Variants in AGO3 observed in about 807,000 individuals in gnomAD.
AGO3 encodes the protein protein argonaute-3.
In AGO3, 16 loss-of-function variants were observed where a neutral mutation model predicts 105.5. The ratio of observed to expected loss-of-function variants is 0.15; its 90% CI spans 0.10 to 0.23. The LOEUF is 0.23. Among genes scored for constraint, AGO3 ranks in the 10% least tolerant of loss-of-function variants. The probability of loss-of-function intolerance (pLI) is 1.00; values close to 1 mark genes in which losing one functional copy is unlikely to be tolerated. For synonymous variants in AGO3, 340 were observed against 367.3 expected (o/e 0.93, Z 0.85); for missense variants, 534 against 1,088.0 (o/e 0.49, Z 7.16).
At chr1:36,050,666 C>T (rs1196020246) in intron 17 of AGO3, among the ~76,000 whole-genome samples, 1 of 151,386 alleles carries the variant, frequency 6.6e-6, no homozygotes, top group African/African-American at 2.4e-5. Context: ...GTGGCGGGCG[C>T]CTATAATCCC....
chr1:36,023,739 A>G (rs114711279), intron 11 of AGO3, among the ~76,000 whole-genome samples: 2,337 of 152,324 alleles, frequency 0.015, 51 homozygotes, highest in African/African-American at 0.053. Flanking sequence ...GTAACGAGAC[A>G]GCTTTAGGTG....
At position 35,931,366 on chromosome 1, in the gene AGO3, G is replaced by T. The variant is rs1268512355; in HGVS notation, c.-61G>T. The T allele has an allele frequency of 1.5e-5, 21 of 1,399,634 alleles. No individual in the cohort carries two copies. In the East Asian group the frequency reaches 5.7e-4, roughly 38 times the overall value. The allele number at this position is 1,399,634 out of a possible 1,614,324, so 86.7% of individuals were successfully genotyped here. A position where few individuals can be genotyped will look rare whatever the true frequency, so the allele number is the denominator to read the frequency against. ...GTCGCGCCGCGTCGCCCCCCGGGCC[G>T]CCTCCTTGCCGCCAGTGGCGGGCTC... On this transcript the variant is annotated 5_prime_UTR_variant, in exon 1 of 19. Coordinates refer to ENST00000373191, the MANE Select transcript of AGO3 (RefSeq NM_024852.4).
chr1:35,971,768 G>T (rs1463155408), intron 3 of AGO3, among the ~76,000 whole-genome samples: 2 of 152,022 alleles, frequency 1.3e-5, no homozygotes, highest in African/African-American at 4.8e-5. Flanking sequence ...AGTTTCAAGA[G>T]ATTTTCCTCA....
intron 2 of AGO3, among the ~76,000 whole-genome samples, chr1:35,963,362 T>TA (rs1646713011): frequency 1.4e-5 from 2 of 146,676 alleles, no homozygotes; most frequent in African/African-American, 5.1e-5. Context: ...TTAAAAATAA[T>TA]AAAAATAAAT....
chr1:35,943,826 C>T (rs1246261970), intron 1 of AGO3, among the ~76,000 whole-genome samples: 1 of 151,804 alleles, frequency 6.6e-6, no homozygotes, highest in Non-Finnish European at 1.5e-5. Context: ...GTCTTAAACT[C>T]CTGAGCCCAA....
chr1:36,003,709 A>AAAAAAAT lies in AGO3; in HGVS notation c.659-631_659-630insAAAAATA, dbSNP rs1295618675. Among the ~76,000 whole-genome samples the AAAAAAAT allele has an allele frequency of 2.2e-3, 215 of 99,408 alleles. 3 individuals are homozygous for AAAAAAAT. Among genetic ancestry groups the AAAAAAAT allele is most frequent in the African/African-American group, 8.1e-3 (201 of 24,732 alleles). The allele number at this position is 99,408 out of a possible 152,430, so 65.2% of individuals were successfully genotyped here. On this transcript the variant is annotated intron_variant, in intron 5 of 18. Transcript: ENST00000373191. ...AAGTCTGTCTCAAAAAAAAAAAAAA[A>AAAAAAAT]ATATATATATATATATATATATATA... is the stretch of plus-strand genomic sequence containing the variant.
intron 2 of AGO3, among the ~76,000 whole-genome samples, chr1:35,955,702 C>T (rs916140033): frequency 5.3e-5 from 8 of 151,972 alleles, no homozygotes; most frequent in South Asian, 2.1e-4. Context: ...CCGAGCAATC[C>T]TCCCACCTCA....
chr1:36,014,771 C>CAAAA (rs58580607), intron 11 of AGO3, among the ~76,000 whole-genome samples: 1 of 58,546 alleles, frequency 1.7e-5, no homozygotes, highest in Admixed American at 1.5e-4. Context: ...ACTCTGTCTC[C>CAAAA]AAAAAAAAAA....
rs1641564950 is a variant in AGO3 at position 36,027,661 on chromosome 1, C to T, written c.1591+363C>T. Among the ~76,000 whole-genome samples the T allele has an allele frequency of 6.6e-6, 1 of 151,950 alleles. No individual in the cohort carries two copies. The highest frequency in any genetic ancestry group is 1.5e-5 in the Non-Finnish European group (1 of 67,996). On this transcript the variant is annotated intron_variant, in intron 12 of 18. Transcript: ENST00000373191. This position sits in a 1 kb window ranked among gnomAD's most constrained non-coding sequence, Gnocchi z 4.0. The stretch of plus-strand genomic sequence containing the variant: ...GGGCGTGGTGGTGGGCGCCTGTGGT[C>T]CCAGCCACTCAGGAGGCTGAGGCAG...
In AGO3 at chr1:36,012,158, G is replaced by A. The variant is rs141631208; in HGVS notation, c.1150-1472G>A. Among the ~76,000 whole-genome samples the A allele has an allele frequency of 9.2e-5, 14 of 151,990 alleles. No homozygotes were observed. In the East Asian group the frequency reaches 2.7e-3, roughly 29 times the overall value. ...AAGACCAGCCTAGGCAACATAGTGA[G>A]ACCCCATCTCTACAAAAAAAATGTT... On this transcript the variant is annotated intron_variant, in intron 9 of 18. Coordinates refer to ENST00000373191, the MANE Select transcript of AGO3 (RefSeq NM_024852.4).
At chr1:35,963,438 G>A (rs577999232) in intron 2 of AGO3, among the ~76,000 whole-genome samples, 2 of 152,248 alleles carry the variant, frequency 1.3e-5, no homozygotes, top group South Asian at 4.1e-4. Context: ...GAGGGTAAAA[G>A]TAGGTATACA....
intron 9 of AGO3, among the ~76,000 whole-genome samples, chr1:36,009,901 T>G (rs904543009): frequency 1.3e-5 from 2 of 149,916 alleles, no homozygotes; most frequent in Non-Finnish European, 3.0e-5. Flanking sequence ...GGAGGAAAAG[T>G]CAAAGAATTA....
intron 17 of AGO3, among the ~76,000 whole-genome samples, chr1:36,051,706 G>T (rs1167963589): frequency 1.3e-5 from 2 of 151,912 alleles, no homozygotes; most frequent in Non-Finnish European, 2.9e-5. Flanking sequence ...AAAAAACAAG[G>T]TATTAATATC....
At chr1:35,937,001 A>G (rs1646160653) in intron 1 of AGO3, among the ~76,000 whole-genome samples, 1 of 152,248 alleles carries the variant, frequency 6.6e-6, no homozygotes, top group African/African-American at 2.4e-5. Flanking sequence ...TCTTCTAACA[A>G]TATGAGAGAG....
intron 2 of AGO3, among the ~76,000 whole-genome samples, chr1:35,946,263 T>A (rs1193201259): frequency 2.0e-5 from 3 of 152,140 alleles, no homozygotes; most frequent in Non-Finnish European, 4.4e-5. Flanking sequence ...CAGTTGGGGG[T>A]AGAAATACTG....
At chr1:35,973,604 C>T (rs775382750) in intron 5 of AGO3, 93 bp downstream of exon 5, 248 of 1,252,916 alleles carry the variant, frequency 2.0e-4, no homozygotes, top group Admixed American at 3.6e-4. Flanking sequence ...ATACTGGTGT[C>T]TCGAAGTAAT....
At chr1:36,021,917 C>T (rs1050112558) in intron 11 of AGO3, among the ~76,000 whole-genome samples, 5 of 151,762 alleles carry the variant, frequency 3.3e-5, no homozygotes, top group African/African-American at 1.2e-4. Context: ...AAAAGGTGAA[C>T]AAAAATATTT....
Position 35,945,883 on chromosome 1 carries a change from A to C in AGO3, c.191+20A>C. 1 of 1,595,202 alleles carries C rather than the reference A, an allele frequency of 6.3e-7. No individual in the cohort carries two copies. Among genetic ancestry groups the C allele is most frequent in the Non-Finnish European group, 8.6e-7 (1 of 1,168,834 alleles). On this transcript the variant is annotated intron_variant, in intron 2 of 18. Coordinates refer to ENST00000373191, the MANE Select transcript of AGO3 (RefSeq NM_024852.4). ...GAACAGGTAAGAATCATGAAACTGC[A>C]AAGATCTTTTGCTATTTTTTTCCTT...
At position 36,022,793 on chromosome 1, in the gene AGO3, C is replaced by T. The variant is rs375688545; in HGVS notation, c.1407-4321C>T. Among the ~76,000 whole-genome samples, 82 of 151,950 alleles carry T rather than the reference C, an allele frequency of 5.4e-4. No homozygotes were observed. The South Asian group carries it at 0.016, about 30-fold the overall frequency. On this transcript the variant is annotated intron_variant, in intron 11 of 18. Transcript: ENST00000373191. ...CTAAAAATACAAAAATTAGCCGGGC[C>T]TGGTGGTGGACACCTGTAATCTCAG...
Sources: gnomAD v4.1 joint callset for allele counts (sites outside exome capture counted in the v4.1 genomes callset) on GRCh38, gnomAD v4.1.1 for gene constraint, Gnocchi (gnomAD v3.1) non-coding constraint, MANE v1.5 for transcripts, NCBI Gene and HGNC (gene_info 2026-07-23, HGNC 2026-07-21) for gene names.